TNRC6C: variants seen among roughly 807,000 people sequenced by gnomAD.
TNRC6C encodes trinucleotide repeat-containing gene 6C protein.
Under a neutral mutation model 153.7 loss-of-function variants are expected in TNRC6C, and 20 were observed. That is an observed-to-expected ratio of 0.13 (90% CI 0.09 to 0.19). TNRC6C has a LOEUF of 0.19. Among genes scored for constraint, TNRC6C ranks in the 10% least tolerant of loss-of-function variants. The probability of loss-of-function intolerance (pLI) is 1.00; values close to 1 mark genes in which losing one functional copy is unlikely to be tolerated. For synonymous variants in TNRC6C, 811 were observed against 841.4 expected, an observed-to-expected ratio of 0.96 and a Z score of 0.63; for missense variants, 1,987 against 2,172.0, an observed-to-expected ratio of 0.91 and a Z score of 1.69.
At chr17:78,031,605 A>C in exon 2 of TNRC6C, 1 of 1,232,422 alleles carries the variant, frequency 8.1e-7, no homozygotes. Flanking sequence ...AAGCAGCAAC[A>C]ATGGCAAACG....
At chr17:78,086,287 G>A (rs1361088350) in intron 11 of TNRC6C, among the ~76,000 whole-genome samples, 6 of 119,904 alleles carry the variant, frequency 5.0e-5, no homozygotes, top group Admixed American at 1.1e-4. Flanking sequence ...CTGAGATCAC[G>A]CCATTACACT....
chr17:77,984,057 A>G (rs2071120548), intron 1 of TNRC6C, among the ~76,000 whole-genome samples: 1 of 152,168 alleles, frequency 6.6e-6, no homozygotes, highest in South Asian at 2.1e-4. Flanking sequence ...GACTGTGCCA[A>G]TTATTTATTG....
chr17:78,032,888 T>C (rs2072103730), intron 2 of TNRC6C, among the ~76,000 whole-genome samples: 1 of 152,226 alleles, frequency 6.6e-6, no homozygotes, highest in Admixed American at 6.5e-5. Flanking sequence ...TTTCGTCTGC[T>C]AACCACTTGG....
At chr17:78,054,566 G>A (rs535249740) in intron 3 of TNRC6C, among the ~76,000 whole-genome samples, 10 of 148,102 alleles carry the variant, frequency 6.8e-5, no homozygotes, top group South Asian at 2.2e-4. Flanking sequence ...GGACTACTGC[G>A]CACCACTGCA....
chr17:78,077,095 C>G, intron 8 of TNRC6C, 90 bp from the exon 11 acceptor site: 1 of 1,419,360 alleles, frequency 7.0e-7, no homozygotes, highest in South Asian at 1.4e-5. Context: ...ATTTATCCAT[C>G]CACGCCTCCT....
chr17:78,014,379 G>A (rs548478155), intron 1 of TNRC6C, among the ~76,000 whole-genome samples: 300 of 152,240 alleles, frequency 2.0e-3, no homozygotes, highest in African/African-American at 6.9e-3. Context: ...AGGAGAGCCA[G>A]TAGGCATTAA....
chr17:78,020,883 G>A (rs953218866), intron 1 of TNRC6C, among the ~76,000 whole-genome samples: 3 of 152,170 alleles, frequency 2.0e-5, no homozygotes, highest in Non-Finnish European at 2.9e-5. Context: ...GCAGCACATG[G>A]TCATCCTTCC....
chr17:78,061,273 A>G (rs2311442), intron 3 of TNRC6C, among the ~76,000 whole-genome samples: 15,360 of 152,268 alleles, frequency 0.1, 853 homozygotes, highest in East Asian at 0.18. Flanking sequence ...AAGAATCCCT[A>G]TAAATTATTA....
intron 10 of TNRC6C, among the ~76,000 whole-genome samples, chr17:78,080,740 G>GAC (rs2073165616): frequency 6.6e-6 from 1 of 152,160 alleles, no homozygotes; most frequent in Admixed American, 6.5e-5. Flanking sequence ...CCTGCCCTGA[G>GAC]AGAGCAGCAG....
At chr17:78,020,645 T>G (rs897542864) in intron 1 of TNRC6C, among the ~76,000 whole-genome samples, 1 of 152,374 alleles carries the variant, frequency 6.6e-6, no homozygotes, top group Admixed American at 6.5e-5. Flanking sequence ...ATAGGCTAGT[T>G]GCATCATCTA....
chr17:78,025,217 C>T (rs1429327687), intron 1 of TNRC6C, among the ~76,000 whole-genome samples: 1 of 152,144 alleles, frequency 6.6e-6, no homozygotes, highest in African/African-American at 2.4e-5. Flanking sequence ...CTAAAAATCC[C>T]CTGTGCTCCG....
intron 1 of TNRC6C, among the ~76,000 whole-genome samples, chr17:77,983,218 TCTG>T (rs1369435326): frequency 6.6e-6 from 1 of 152,186 alleles, no homozygotes; most frequent in Non-Finnish European, 1.5e-5. Context: ...GCAACTGAGT[TCTG>T]CTGGGATTTG....
At chr17:78,069,039 A>C (rs1419051384) in intron 5 of TNRC6C, among the ~76,000 whole-genome samples, 1 of 152,190 alleles carries the variant, frequency 6.6e-6, no homozygotes, top group Admixed American at 6.5e-5. Flanking sequence ...CAAAATCTAA[A>C]AGCCATAAAA....
At chr17:78,050,858 G>T in exon 3 of TNRC6C, 4 of 1,613,926 alleles carry the variant, frequency 2.5e-6, no homozygotes, top group Non-Finnish European at 3.4e-6. Flanking sequence ...GGGGGAGATT[G>T]GGCAGATTCA....
intron 1 of TNRC6C, among the ~76,000 whole-genome samples, chr17:77,961,057 A>T (rs1342615660): frequency 6.6e-6 from 1 of 151,420 alleles, no homozygotes; most frequent in South Asian, 2.1e-4. Context: ...ACACACACAC[A>T]CTCGTTTTTA....
upstream of TNRC6C, chr17:78,005,028 CT>C: frequency 8.3e-7 from 1 of 1,204,330 alleles, no homozygotes; most frequent in Non-Finnish European, 1.0e-6. Context: ...GAGTTTCTTT[CT>C]TTCTTTCTCT....
At chr17:78,006,491 C>CT (rs755281883) in intron 1 of TNRC6C, among the ~76,000 whole-genome samples, 1 of 134,714 alleles carries the variant, frequency 7.4e-6, no homozygotes, top group African/African-American at 2.8e-5. Context: ...TCTTCTTCTT[C>CT]TTTCTTCTTC....
At chr17:78,093,225 G>A in intron 15 of TNRC6C, 101 bp downstream of exon 17, 1 of 1,275,880 alleles carries the variant, frequency 7.8e-7, no homozygotes, top group South Asian at 1.5e-5. Flanking sequence ...CTGAGCTAAG[G>A]ATCTGGAAGC....
At position 78,049,823 on chromosome 17, in the gene TNRC6C, G is replaced by A. The variant is rs1417926248; in HGVS notation, c.761G>A (p.Gly254Asp). Reference sequence around the variant, plus strand: ...AATTCTGTGTGGGGACTGTCCCCAGGTAACCCTGCCACAGGAAATAGCAAT... The same window carrying A: ...AATTCTGTGTGGGGACTGTCCCCAGATAACCCTGCCACAGGAAATAGCAAT... Residue 254 changes from glycine to aspartate, a missense_variant, in exon 3 of 20, where the codon GGT becomes GAT. Coordinates refer to ENST00000301624, the Ensembl canonical transcript of TNRC6C. The surrounding 1 kb of genome is among the most constrained non-coding windows in gnomAD (Gnocchi z 4.1). 1 of 1,612,346 alleles carries A rather than the reference G, an allele frequency of 6.2e-7. No individual in the cohort carries two copies. The highest frequency in any genetic ancestry group is 8.5e-7 in the Non-Finnish European group (1 of 1,178,852).
Sources: gnomAD v4.1 joint callset for allele counts (sites outside exome capture counted in the v4.1 genomes callset) on GRCh38, gnomAD v4.1.1 for gene constraint, Gnocchi (gnomAD v3.1) non-coding constraint, MANE v1.5 for transcripts, NCBI Gene and HGNC (gene_info 2026-07-23, HGNC 2026-07-21) for gene names.